TULP4: variants seen among roughly 807,000 people sequenced by gnomAD.
The protein encoded by TULP4 is tubby-related protein 4.
A neutral mutation model predicts 129.0 loss-of-function variants in TULP4; 16 were observed. That is an observed-to-expected ratio of 0.12 (90% CI 0.08 to 0.19). The LOEUF is 0.19. Ranked by LOEUF, TULP4 falls within the 10% of genes least tolerant of loss-of-function variation. TULP4 has a pLI of 1.00. For synonymous variants in TULP4, 998 were observed against 854.0 expected (o/e 1.17, Z -2.94); for missense variants, 1,842 against 2,059.1 (o/e 0.89, Z 2.04).
At chr6:158,397,035 T>G (rs1777733505) in intron 1 of TULP4, among the ~76,000 whole-genome samples, 1 of 151,992 alleles carries the variant, frequency 6.6e-6, no homozygotes, top group South Asian at 2.1e-4. Context: ...AGGAGAGAGA[T>G]TTTCAATAGT....
rs116886320 is a variant in TULP4, at chr6:158,508,928, G to C, written c.*2234G>C. ...TTTGAGACGGAGTCCCACTCTTGTCGCCCAACTAGAGTGTAGTGGCACAAT... is the reference window on the plus strand; with the variant it reads ...TTTGAGACGGAGTCCCACTCTTGTCCCCCAACTAGAGTGTAGTGGCACAAT... On this transcript the variant is annotated 3_prime_UTR_variant, in exon 14 of 14. Transcript: ENST00000367097. 1 of 109,700 alleles carries C rather than the reference G, an allele frequency of 9.1e-6. No individual in the cohort carries two copies. The highest frequency in any genetic ancestry group is 1.7e-5 in the Non-Finnish European group (1 of 59,554). The allele number at this position is 109,700 out of a possible 1,614,324, so 6.8% of individuals were successfully genotyped here. A position where few individuals can be genotyped will look rare whatever the true frequency, so the allele number is the denominator to read the frequency against.
At chr6:158,249,825 A>C (rs1195442533) in intron 1 of TULP4, among the ~76,000 whole-genome samples, 1 of 152,218 alleles carries the variant, frequency 6.6e-6, no homozygotes, top group Non-Finnish European at 1.5e-5. Flanking sequence ...TGTTTATTTA[A>C]AGTTTTTGAC....
At chr6:158,345,257 C>T (rs1326851864) in intron 1 of TULP4, among the ~76,000 whole-genome samples, 1 of 152,210 alleles carries the variant, frequency 6.6e-6, no homozygotes, top group East Asian at 1.9e-4. Flanking sequence ...AAGCAATCCT[C>T]CCTGCCTTAG....
chr6:158,303,129 C>T (rs1779158100), intron 1 of TULP4, among the ~76,000 whole-genome samples: 1 of 150,682 alleles, frequency 6.6e-6, no homozygotes, highest in Non-Finnish European at 1.5e-5. Flanking sequence ...CAATAAGTGG[C>T]TTTTTCACTG....
rs182122498 is a variant in TULP4 at position 158,394,610 on chromosome 6, T to C, written c.253-18455T>C. Among the ~76,000 whole-genome samples the C allele has an allele frequency of 4.3e-4, 65 of 151,486 alleles. 1 individual carries two copies. The East Asian group carries it at 0.012, about 29-fold the overall frequency. ...CATCCTGGCTAACATGGTGAAACCC[T>C]GTCTCTACTAAAAATACAAAAAAAA... On this transcript the variant is annotated intron_variant, in intron 1 of 13. Coordinates refer to ENST00000367097, the MANE Select transcript of TULP4 (RefSeq NM_020245.5).
intron 1 of TULP4, among the ~76,000 whole-genome samples, chr6:158,253,092 C>T (rs1210166532): frequency 6.6e-6 from 1 of 152,214 alleles, no homozygotes; most frequent in East Asian, 1.9e-4. Context: ...TCAGTCACTG[C>T]TTCTATTTTC....
intron 1 of TULP4, among the ~76,000 whole-genome samples, chr6:158,245,453 G>A (rs568145260): frequency 3.9e-5 from 6 of 152,072 alleles, no homozygotes; most frequent in Admixed American, 3.9e-4. Flanking sequence ...GGTAATTCTC[G>A]GTGCTGGTGC....
At chr6:158,393,834 T>C (rs753417853) in intron 1 of TULP4, among the ~76,000 whole-genome samples, 8 of 152,192 alleles carry the variant, frequency 5.3e-5, no homozygotes, top group Non-Finnish European at 8.8e-5. Context: ...CCTGGAGACA[T>C]TTTCCCCATC....
rs1170465572 is a variant in TULP4 at position 158,493,843 on chromosome 6, T to C, written c.1776+126T>C. The C allele has an allele frequency of 1.9e-6, 2 of 1,080,432 alleles. No homozygotes were observed. Among genetic ancestry groups the C allele is most frequent in the Non-Finnish European group, 2.5e-6 (2 of 791,738 alleles). The allele number at this position is 1,080,432 out of a possible 1,614,324, so 66.9% of individuals were successfully genotyped here. On this transcript the variant is annotated intron_variant, in intron 10 of 13. Coordinates refer to ENST00000367097, the MANE Select transcript of TULP4 (RefSeq NM_020245.5). The surrounding 1 kb of genome is among the most constrained non-coding windows in gnomAD (Gnocchi z 4.4). ...GGTCCCTGAGCTCTGCTCCACATCC[T>C]GCACACCACCTACTACCTCAGGAGT...
chr6:158,281,622 C>T (rs1377150811), upstream of TULP4, among the ~76,000 whole-genome samples: 2 of 152,042 alleles, frequency 1.3e-5, no homozygotes, highest in African/African-American at 4.8e-5. Context: ...GTTAGCTGGC[C>T]TCATTAAGAG....
intron 1 of TULP4, among the ~76,000 whole-genome samples, chr6:158,388,519 T>A (rs1215165536): frequency 6.6e-6 from 1 of 151,714 alleles, no homozygotes; most frequent in East Asian, 2.0e-4. Context: ...TTAGTAGAGA[T>A]GGGGTTTCAC....
At chr6:158,405,480 G>A (rs1397317749) in intron 1 of TULP4, among the ~76,000 whole-genome samples, 1 of 152,184 alleles carries the variant, frequency 6.6e-6, no homozygotes, top group African/African-American at 2.4e-5. Flanking sequence ...GGTCAAAAGG[G>A]CACCGTTGCA....
intron 1 of TULP4, among the ~76,000 whole-genome samples, chr6:158,298,684 A>G (rs1779081008): frequency 6.6e-6 from 1 of 152,178 alleles, no homozygotes; most frequent in Admixed American, 6.5e-5. Context: ...GTTCGTCCAA[A>G]TTTTGATATT....
chr6:158,489,477 C>A, intron 8 of TULP4, 111 bp from the exon 9 acceptor site: 1 of 1,361,506 alleles, frequency 7.3e-7, no homozygotes, highest in Non-Finnish European at 1.0e-6. Context: ...ACCTCTAGGT[C>A]TAAAATGATG....
chr6:158,392,794 C>CTTTTTTTTTTTTTTTTTT lies in TULP4; in HGVS notation c.253-20263_253-20246dup. 1.6e-3 allele frequency among the ~76,000 whole-genome samples: 87 copies of CTTTTTTTTTTTTTTTTTT among 54,648 alleles called. 27 individuals carry two copies. The highest frequency in any genetic ancestry group is 1.9e-3 in the African/African-American group (22 of 11,458). 35.9% of individuals were successfully genotyped at this position (54,648 alleles called of 152,430 possible). The stretch of plus-strand genomic sequence containing the variant: ...GTACCTATTGTTTAAATTTGTATTT[C>CTTTTTTTTTTTTTTTTTT]TTTTTTTTTTTTTTTTTTTTTTTTT... On this transcript the variant is annotated intron_variant, in intron 1 of 13. Coordinates refer to ENST00000367097, the MANE Select transcript of TULP4 (RefSeq NM_020245.5).
At chr6:158,300,321 A>AT (rs1779111452) in intron 1 of TULP4, among the ~76,000 whole-genome samples, 1 of 152,182 alleles carries the variant, frequency 6.6e-6, no homozygotes, top group African/African-American at 2.4e-5. Flanking sequence ...TTTAGGGAGA[A>AT]TTTTTTGCCT....
intron 9 of TULP4, among the ~76,000 whole-genome samples, chr6:158,490,789 CTT>C (rs74809679): frequency 6.3e-5 from 9 of 142,698 alleles, no homozygotes; most frequent in East Asian, 2.0e-4. Flanking sequence ...GTATCTGGCT[CTT>C]TTTTTTTTTT....
At chr6:158,300,424 T>G (rs1390138503) in intron 1 of TULP4, among the ~76,000 whole-genome samples, 1 of 152,216 alleles carries the variant, frequency 6.6e-6, no homozygotes, top group Non-Finnish European at 1.5e-5. Flanking sequence ...GTGGTTAAAT[T>G]ATGCTTTTGT....
At chr6:158,305,486 G>A (rs1046199064) in intron 1 of TULP4, among the ~76,000 whole-genome samples, 3 of 151,602 alleles carry the variant, frequency 2.0e-5, no homozygotes, top group African/African-American at 7.3e-5. Flanking sequence ...GATTGCCTGA[G>A]CCCAGGAGTT....
Sources: gnomAD v4.1 joint callset for allele counts (sites outside exome capture counted in the v4.1 genomes callset) on GRCh38, gnomAD v4.1.1 for gene constraint, Gnocchi (gnomAD v3.1) non-coding constraint, MANE v1.5 for transcripts, NCBI Gene and HGNC (gene_info 2026-07-23, HGNC 2026-07-21) for gene names.